Variants in GFOD1 observed in about 807,000 individuals in gnomAD.
The protein encoded by GFOD1 is glucose-fructose oxidoreductase domain-containing protein 1.
Under a neutral mutation model 25.4 loss-of-function variants are expected in GFOD1, and 9 were observed. That is an observed-to-expected ratio of 0.35 (90% CI 0.21 to 0.62). The LOEUF is 0.62. Among genes scored for constraint, GFOD1 ranks in the 20% least tolerant of loss-of-function variants. The pLI, the probability that GFOD1 is intolerant of heterozygous loss-of-function variation, is 0.72. For missense variants in GFOD1, 403 were observed against 556.9 expected (o/e 0.72, Z 2.78); for synonymous variants, 253 against 245.6 (o/e 1.03, Z -0.28).
At chr6:13,394,179 C>T (rs4715251) in intron 1 of GFOD1, among the ~76,000 whole-genome samples, 83,332 of 151,980 alleles carry the variant, frequency 0.55, 24,634 homozygotes, top group South Asian at 0.69. Context: ...CACACATTAT[C>T]TTTTTCATAA....
At chr6:13,412,838 A>G (rs926697585) in intron 1 of GFOD1, among the ~76,000 whole-genome samples, 4 of 152,184 alleles carry the variant, frequency 2.6e-5, no homozygotes, top group Non-Finnish European at 4.4e-5. Flanking sequence ...CGGGGTGGAG[A>G]GGGCTCCTCT....
At chr6:13,406,418 C>T (rs1785948169) in intron 1 of GFOD1, among the ~76,000 whole-genome samples, 1 of 152,050 alleles carries the variant, frequency 6.6e-6, no homozygotes, top group Non-Finnish European at 1.5e-5. Flanking sequence ...AGCCTGCAAG[C>T]GCTCTACAAA....
At chr6:13,461,029 T>C (rs1014737938) in intron 1 of GFOD1, among the ~76,000 whole-genome samples, 3 of 152,106 alleles carry the variant, frequency 2.0e-5, no homozygotes, top group Non-Finnish European at 2.9e-5. Flanking sequence ...CTGTGAAAAA[T>C]ACATTTCTGT....
chr6:13,487,080 C>A lies in GFOD1; in HGVS notation c.-190G>T, dbSNP rs1758889799. The A allele has an allele frequency of 3.2e-6, 2 of 633,484 alleles. No individual in the cohort carries two copies. Among genetic ancestry groups the A allele is most frequent in the South Asian group, 2.1e-5 (1 of 48,730 alleles). 39.2% of individuals were successfully genotyped at this position (633,484 alleles called of 1,614,324 possible). A position where few individuals can be genotyped will look rare whatever the true frequency, so the allele number is the denominator to read the frequency against. On this transcript the variant is annotated 5_prime_UTR_variant, in exon 1 of 2. Coordinates refer to ENST00000379287, the MANE Select transcript of GFOD1 (RefSeq NM_018988.4). The surrounding 1 kb of genome is among the most constrained non-coding windows in gnomAD (Gnocchi z 4.9). ...AGCTGCAGGCGGAGCAAGCTCGGGGCGCCTCAGAACGGTGACTGCGGCAGT... is the reference window on the plus strand; with the variant it reads ...AGCTGCAGGCGGAGCAAGCTCGGGGAGCCTCAGAACGGTGACTGCGGCAGT...
At chr6:13,463,572 G>A (rs973315801) in intron 1 of GFOD1, among the ~76,000 whole-genome samples, 2 of 152,182 alleles carry the variant, frequency 1.3e-5, no homozygotes, top group African/African-American at 4.8e-5. Flanking sequence ...TTAACCCACA[G>A]TTATCCGTCC....
At chr6:13,413,502 A>G (rs1185444111) in intron 1 of GFOD1, among the ~76,000 whole-genome samples, 1 of 152,236 alleles carries the variant, frequency 6.6e-6, no homozygotes, top group African/African-American at 2.4e-5. Context: ...TGGTCCCCAC[A>G]GTGGCATTCA....
intron 1 of GFOD1, among the ~76,000 whole-genome samples, chr6:13,380,251 A>G (rs1785335890): frequency 6.6e-6 from 1 of 152,246 alleles, no homozygotes; most frequent in Admixed American, 6.5e-5. Context: ...AACAGAGCTG[A>G]TATCTGGTCC....
chr6:13,458,795 G>C (rs1313980718), intron 1 of GFOD1, among the ~76,000 whole-genome samples: 1 of 145,184 alleles, frequency 6.9e-6, no homozygotes, highest in Non-Finnish European at 1.5e-5. Flanking sequence ...AAGTGAGAGG[G>C]GGCTGAAGAG....
At chr6:13,420,067 G>C (rs1419356530) in intron 1 of GFOD1, among the ~76,000 whole-genome samples, 1 of 152,206 alleles carries the variant, frequency 6.6e-6, no homozygotes, top group African/African-American at 2.4e-5. Flanking sequence ...GTCTCCCTCT[G>C]GTGTCTGAGA....
chr6:13,481,558 TACACAC>T lies in GFOD1; in HGVS notation c.253+5074_253+5079del, dbSNP rs55888360. Among the ~76,000 whole-genome samples the T allele has an allele frequency of 6.7e-3, 1,015 of 150,782 alleles. 9 individuals are homozygous for T. Among genetic ancestry groups the T allele is most frequent in the African/African-American group, 0.021 (874 of 41,070 alleles). On this transcript the variant is annotated intron_variant, in intron 1 of 1. Coordinates refer to ENST00000379287, the MANE Select transcript of GFOD1 (RefSeq NM_018988.4). ...CCACTGAAAGTGGAGAGTGATACCTTACACACACACACACACACACACACACACACA... is the reference window on the plus strand; with the variant it reads ...CCACTGAAAGTGGAGAGTGATACCTTACACACACACACACACACACACACA...
At chr6:13,437,133 A>AT (rs991156781) in intron 1 of GFOD1, among the ~76,000 whole-genome samples, 3 of 152,190 alleles carry the variant, frequency 2.0e-5, no homozygotes, top group African/African-American at 7.2e-5. Context: ...GGTGAAGGCA[A>AT]TGATGAAAAG....
chr6:13,385,748 G>A (rs1163309746), intron 1 of GFOD1, among the ~76,000 whole-genome samples: 4 of 152,134 alleles, frequency 2.6e-5, no homozygotes, highest in Non-Finnish European at 4.4e-5. Context: ...AAAATACAGT[G>A]ACTAAAACAA....
At chr6:13,470,609 T>C in intron 1 of GFOD1, 1 of 1,489,320 alleles carries the variant, frequency 6.7e-7, no homozygotes, top group Non-Finnish European at 8.9e-7. Context: ...TCTGCTGATT[T>C]TCTTCCTCTG....
chr6:13,475,737 T>C (rs867000693), intron 1 of GFOD1, among the ~76,000 whole-genome samples: 1 of 104,576 alleles, frequency 9.6e-6, no homozygotes, highest in East Asian at 3.0e-4. Flanking sequence ...ATAATAATAA[T>C]AATAATAATA....
intron 1 of GFOD1, among the ~76,000 whole-genome samples, chr6:13,390,810 A>AGGAAGGAAGGAAGGAAGGAG (rs1485348756): frequency 1.8e-3 from 274 of 151,350 alleles, no homozygotes; most frequent in African/African-American, 6.1e-3. Context: ...GAAGGAAGGA[A>AGGAAGGAAGGAAGGAAGGAG]GGAAGGAAGG....
At chr6:13,471,267 C>A (rs1758497960) in intron 1 of GFOD1, among the ~76,000 whole-genome samples, 1 of 152,166 alleles carries the variant, frequency 6.6e-6, no homozygotes, top group African/African-American at 2.4e-5. Flanking sequence ...CCCTCACCAC[C>A]TTCCTGGGCC....
intron 1 of GFOD1, among the ~76,000 whole-genome samples, chr6:13,472,895 G>C (rs992907870): frequency 2.7e-4 from 41 of 152,208 alleles, no homozygotes; most frequent in African/African-American, 9.9e-4. Flanking sequence ...CAAGTCAAGA[G>C]TTAACTATTC....
At chr6:13,422,367 G>C (rs919446717) in intron 1 of GFOD1, among the ~76,000 whole-genome samples, 1 of 152,190 alleles carries the variant, frequency 6.6e-6, no homozygotes, top group Non-Finnish European at 1.5e-5. Flanking sequence ...GAGGGGGCTT[G>C]AGACCCCATC....
chr6:13,390,582 C>A (rs941765209), intron 1 of GFOD1, among the ~76,000 whole-genome samples: 3 of 151,828 alleles, frequency 2.0e-5, no homozygotes, highest in African/African-American at 7.3e-5. Context: ...AAAAAATTAG[C>A]CAGATGTGGT....
Sources: gnomAD v4.1 joint callset for allele counts (sites outside exome capture counted in the v4.1 genomes callset) on GRCh38, gnomAD v4.1.1 for gene constraint, Gnocchi (gnomAD v3.1) non-coding constraint, MANE v1.5 for transcripts, NCBI Gene and HGNC (gene_info 2026-07-23, HGNC 2026-07-21) for gene names.